FRMD4A: variants seen among roughly 807,000 people sequenced by gnomAD.
The protein encoded by FRMD4A is FERM domain containing 4A.
A neutral mutation model predicts 129.1 loss-of-function variants in FRMD4A; 29 were observed. The ratio of observed to expected loss-of-function variants is 0.22; its 90% CI spans 0.17 to 0.31. FRMD4A has a LOEUF of 0.31. Ranked by LOEUF, FRMD4A falls within the 10% of genes least tolerant of loss-of-function variation. The pLI is 1.00. For synonymous variants in FRMD4A, 634 were observed against 571.6 expected, an observed-to-expected ratio of 1.11 and a Z score of -1.56; for missense variants, 1,272 against 1,375.8, an observed-to-expected ratio of 0.92 and a Z score of 1.19.
intron 19 of FRMD4A, among the ~76,000 whole-genome samples, chr10:13,663,024 C>T (rs2082751419): frequency 9.4e-6 from 1 of 105,934 alleles, no homozygotes; most frequent in Non-Finnish European, 2.0e-5. Flanking sequence ...CAAACCCAGT[C>T]TCTACAAAAA....
At chr10:13,974,601 G>A (rs371394793) in intron 2 of FRMD4A, among the ~76,000 whole-genome samples, 4 of 152,090 alleles carry the variant, frequency 2.6e-5, no homozygotes, top group Admixed American at 6.5e-5. Context: ...ATCTCAGCTC[G>A]CTGCAACCTC....
At chr10:13,786,384 C>G (rs894077102) in intron 5 of FRMD4A, among the ~76,000 whole-genome samples, 3 of 152,164 alleles carry the variant, frequency 2.0e-5, no homozygotes, top group African/African-American at 7.2e-5. Flanking sequence ...ATGTGTGGAT[C>G]AACTGAGGTC....
chr10:13,738,533 G>T (rs913453207), intron 11 of FRMD4A, among the ~76,000 whole-genome samples: 1 of 152,214 alleles, frequency 6.6e-6, no homozygotes, highest in Non-Finnish European at 1.5e-5. Flanking sequence ...TGGGTGCCAG[G>T]CAGGGTTTTA....
chr10:13,877,837 T>TG (rs1398529954), intron 2 of FRMD4A, among the ~76,000 whole-genome samples: 2 of 152,162 alleles, frequency 1.3e-5, no homozygotes, highest in Non-Finnish European at 2.9e-5. Context: ...GATCTGCCCC[T>TG]GGGCGCCTGG....
chr10:13,787,359 C>T (rs573242648), intron 5 of FRMD4A, among the ~76,000 whole-genome samples: 2 of 152,194 alleles, frequency 1.3e-5, no homozygotes, highest in African/African-American at 4.8e-5. Context: ...CCTCTCCACC[C>T]GCACGCCCAG....
intron 2 of FRMD4A, among the ~76,000 whole-genome samples, chr10:14,285,721 G>T (rs995253073): frequency 6.6e-6 from 1 of 152,194 alleles, no homozygotes; most frequent in African/African-American, 2.4e-5. Context: ...GACTGAATAT[G>T]GTCAATAAAT....
At chr10:13,773,968 G>T (rs897838459) in intron 6 of FRMD4A, among the ~76,000 whole-genome samples, 3 of 152,210 alleles carry the variant, frequency 2.0e-5, no homozygotes, top group African/African-American at 7.2e-5. Context: ...AACACGCAAC[G>T]TTCCAGGCAG....
chr10:14,060,294 ATTC>A (rs1834746050), intron 2 of FRMD4A, among the ~76,000 whole-genome samples: 1 of 152,220 alleles, frequency 6.6e-6, no homozygotes, highest in African/African-American at 2.4e-5. Flanking sequence ...CTCATGGTCC[ATTC>A]TTTGCTTCTT....
At chr10:14,032,118 T>A (rs1833275194) in intron 2 of FRMD4A, among the ~76,000 whole-genome samples, 1 of 152,176 alleles carries the variant, frequency 6.6e-6, no homozygotes, top group African/African-American at 2.4e-5. Context: ...AACAAGTATT[T>A]AAAAATACTC....
At chr10:13,829,178 AG>A (rs1248028324) in intron 3 of FRMD4A, among the ~76,000 whole-genome samples, 1 of 152,194 alleles carries the variant, frequency 6.6e-6, no homozygotes, top group African/African-American at 2.4e-5. Flanking sequence ...GTGAATGGTG[AG>A]GTGGAATAGG....
chr10:14,161,945 G>A (rs989442060), intron 2 of FRMD4A, among the ~76,000 whole-genome samples: 8 of 151,276 alleles, frequency 5.3e-5, no homozygotes, highest in Non-Finnish European at 8.8e-5. Context: ...GTATCAATAT[G>A]CAAAGGCAAA....
intron 2 of FRMD4A, among the ~76,000 whole-genome samples, chr10:14,305,059 A>T (rs940512586): frequency 5.9e-5 from 9 of 152,088 alleles, no homozygotes; most frequent in African/African-American, 2.2e-4. Context: ...TTGAATCCTT[A>T]CCTTAGGGTC....
intron 2 of FRMD4A, among the ~76,000 whole-genome samples, chr10:13,867,661 T>A (rs1375663006): frequency 6.1e-5 from 8 of 132,004 alleles, no homozygotes; most frequent in Non-Finnish European, 9.3e-5. Flanking sequence ...AAATATATAA[T>A]ATATAATATA....
At chr10:13,945,405 G>C (rs1870747) in intron 2 of FRMD4A, among the ~76,000 whole-genome samples, 1 of 152,058 alleles carries the variant, frequency 6.6e-6, no homozygotes. Context: ...ATGACAGACC[G>C]GGGAAAGGGG....
At chr10:13,886,396 T>C (rs1464555686) in intron 2 of FRMD4A, among the ~76,000 whole-genome samples, 2 of 152,116 alleles carry the variant, frequency 1.3e-5, no homozygotes, top group Non-Finnish European at 2.9e-5. Context: ...AAAATATCAT[T>C]AAAAGGTTTG....
intron 16 of FRMD4A, among the ~76,000 whole-genome samples, chr10:13,672,408 GT>G (rs1364817098): frequency 1.3e-5 from 2 of 151,574 alleles, no homozygotes; most frequent in Non-Finnish European, 2.9e-5. Flanking sequence ...ACTATTGAGG[GT>G]TTTATATTGT....
Position 14,077,267 on chromosome 10 carries a change from C to A in FRMD4A, c.46-218355G>T, listed in dbSNP as rs188435556. Among the ~76,000 whole-genome samples, 27 of 152,320 alleles carry A rather than the reference C, an allele frequency of 1.8e-4. 1 individual carries two copies. In the South Asian group the frequency reaches 2.7e-3, roughly 15 times the overall value. On this transcript the variant is annotated intron_variant, in intron 2 of 24. Coordinates refer to ENST00000357447, the MANE Select transcript of FRMD4A (RefSeq NM_018027.5). ...TATTTTGGTCCTCAAACTTCTGGTTCTATAAATGCTGTTCTCACTGTCTGG... is the reference window on the plus strand; with the variant it reads ...TATTTTGGTCCTCAAACTTCTGGTTATATAAATGCTGTTCTCACTGTCTGG...
At chr10:13,955,455 C>A (rs1042475320) in intron 2 of FRMD4A, among the ~76,000 whole-genome samples, 3 of 152,168 alleles carry the variant, frequency 2.0e-5, no homozygotes, top group African/African-American at 7.2e-5. Flanking sequence ...CCATCGTACT[C>A]CTAATCCAAG....
At chr10:14,075,055 T>A (rs181372658) in intron 2 of FRMD4A, among the ~76,000 whole-genome samples, 5 of 152,190 alleles carry the variant, frequency 3.3e-5, no homozygotes, top group Non-Finnish European at 7.3e-5. Flanking sequence ...AAGCAAACTA[T>A]GGTAACTTGA....
Sources: allele counts gnomAD v4.1 joint callset (sites outside exome capture counted in the v4.1 genomes callset), GRCh38; gene constraint gnomAD v4.1.1; transcripts MANE v1.5; gene names NCBI Gene and HGNC (gene_info 2026-07-23, HGNC 2026-07-21).